SLC25A26: variants seen among roughly 807,000 people sequenced by gnomAD.
SLC25A26 encodes solute carrier family 25 member 26.
SLC25A26 carries 36 observed loss-of-function variants against 37.8 expected under a neutral mutation model. The ratio of observed to expected loss-of-function variants is 0.95; its 90% confidence interval spans 0.73 to 1.26. The LOEUF is 1.26. SLC25A26 is among the 50% of genes most tolerant of loss of function. SLC25A26 has a pLI of 0.00. For synonymous variants in SLC25A26, 129 were observed against 122.5 expected, an observed-to-expected ratio of 1.05 and a Z score of -0.35; for missense variants, 390 against 331.1, an observed-to-expected ratio of 1.18 and a Z score of -1.38.
intron 3 of SLC25A26, among the ~76,000 whole-genome samples, chr3:66,251,157 GCAGGGGCTGAGAGCTATAGGGCC>G (rs1479531394): frequency 5.3e-5 from 8 of 152,178 alleles, no homozygotes; most frequent in African/African-American, 1.9e-4. Context: ...CTGAGGCGAA[GCAGGGGCTGAGAGCTATAGGGCC>G]TTGCCTGCTA....
At chr3:66,209,672 A>T (rs1182916352) in intron 1 of SLC25A26, among the ~76,000 whole-genome samples, 1 of 138,640 alleles carries the variant, frequency 7.2e-6, no homozygotes, top group East Asian at 2.1e-4. Context: ...AAATATATAT[A>T]TTTTATAGGT....
intron 5 of SLC25A26, among the ~76,000 whole-genome samples, chr3:66,307,034 G>A (rs558940594): frequency 6.7e-4 from 102 of 152,296 alleles, no homozygotes; most frequent in Middle Eastern, 3.4e-3. Context: ...TAATGGGATT[G>A]GTGGGTCAAA....
chr3:66,178,183 A>G (rs777095272), intron 1 of SLC25A26, among the ~76,000 whole-genome samples: 16 of 152,192 alleles, frequency 1.1e-4, no homozygotes, highest in Admixed American at 7.9e-4. Context: ...TCCAGCTTCA[A>G]TGGTCCTAGC....
At chr3:66,236,774 C>G (rs968250783) in intron 2 of SLC25A26, 74 bp downstream of exon 2, 10 of 1,119,446 alleles carry the variant, frequency 8.9e-6, no homozygotes, top group African/African-American at 4.7e-5. Context: ...GGTCTTACCC[C>G]CATAGAATTC....
chr3:66,240,046 T>C (rs1037484452), intron 2 of SLC25A26, among the ~76,000 whole-genome samples: 1 of 152,156 alleles, frequency 6.6e-6, no homozygotes, highest in African/African-American at 2.4e-5. Context: ...ATTCAAAGTT[T>C]GTGGTATGGC....
intron 1 of SLC25A26, among the ~76,000 whole-genome samples, chr3:66,155,345 A>G (rs1192114398): frequency 2.0e-5 from 3 of 152,108 alleles, no homozygotes; most frequent in African/African-American, 7.2e-5. Context: ...CCCTGTCTCT[A>G]CATAAAAAAA....
chr3:66,200,808 C>A (rs2071098938), intron 1 of SLC25A26, among the ~76,000 whole-genome samples: 1 of 152,028 alleles, frequency 6.6e-6, no homozygotes, highest in East Asian at 1.9e-4. Flanking sequence ...TGGTATAAAC[C>A]TTTGAGAGTT....
chr3:66,371,848 G>A (rs1700360474), intron 9 of SLC25A26, among the ~76,000 whole-genome samples: 1 of 152,182 alleles, frequency 6.6e-6, no homozygotes, highest in African/African-American at 2.4e-5. Flanking sequence ...TGTAATCCCA[G>A]CACTTTGGGA....
intron 6 of SLC25A26, among the ~76,000 whole-genome samples, chr3:66,357,047 A>C (rs1230027579): frequency 6.6e-6 from 1 of 152,228 alleles, no homozygotes; most frequent in Non-Finnish European, 1.5e-5. Context: ...TACTTAAGAA[A>C]AATTACCGAA....
chr3:66,283,064 C>T (rs748525364), intron 5 of SLC25A26, among the ~76,000 whole-genome samples: 7 of 151,954 alleles, frequency 4.6e-5, no homozygotes, highest in Admixed American at 1.3e-4. Context: ...ATTGTTAGGA[C>T]GTATAGTGGA....
chr3:66,198,046 G>A (rs1049016167), intron 1 of SLC25A26, among the ~76,000 whole-genome samples: 27 of 152,024 alleles, frequency 1.8e-4, no homozygotes, highest in Non-Finnish European at 2.8e-4. Flanking sequence ...CAGGGTCAGC[G>A]TCAGGCTGAC....
chr3:66,357,024 A>G (rs999772182), intron 6 of SLC25A26, among the ~76,000 whole-genome samples: 2 of 152,238 alleles, frequency 1.3e-5, no homozygotes, highest in African/African-American at 4.8e-5. Context: ...ATCAACCTGT[A>G]TTAAGGAAGC....
In SLC25A26 at chr3:66,334,218, G is replaced by A. The variant is rs764330126; in HGVS notation, c.454-12146G>A. ...CTGTTGCAGTGTGATTTGATTTGTT[G>A]TGTCTCCCTGTCCCATAGTCAGACT... On this transcript the variant is annotated intron_variant, in intron 5 of 9. Coordinates refer to ENST00000354883, the MANE Select transcript of SLC25A26 (RefSeq NM_001379210.1). Among the ~76,000 whole-genome samples the A allele has an allele frequency of 5.6e-4, 85 of 152,274 alleles. 1 individual carries two copies. The highest frequency in any genetic ancestry group is 1.2e-3 in the South Asian group (6 of 4,828).
At chr3:66,191,867 A>T (rs2070948512) in intron 1 of SLC25A26, among the ~76,000 whole-genome samples, 1 of 151,904 alleles carries the variant, frequency 6.6e-6, no homozygotes, top group South Asian at 2.1e-4. Flanking sequence ...AGATTGTGCT[A>T]CTGCACTCCA....
At chr3:66,171,979 T>A (rs2070506070) in intron 1 of SLC25A26, among the ~76,000 whole-genome samples, 2 of 152,148 alleles carry the variant, frequency 1.3e-5, no homozygotes, top group African/African-American at 4.8e-5. Flanking sequence ...TATTCCCAGC[T>A]CCCTCAACCT....
At chr3:66,270,329 A>G (rs556180694) in intron 5 of SLC25A26, among the ~76,000 whole-genome samples, 34 of 152,310 alleles carry the variant, frequency 2.2e-4, no homozygotes, top group African/African-American at 7.7e-4. Flanking sequence ...AATCTTTCCA[A>G]ACTTCTAATG....
intron 5 of SLC25A26, among the ~76,000 whole-genome samples, chr3:66,287,918 C>T (rs1015359669): frequency 6.6e-6 from 1 of 152,206 alleles, no homozygotes; most frequent in African/African-American, 2.4e-5. Flanking sequence ...TTTCTTTGTA[C>T]ACTATCACTC....
chr3:66,203,834 T>A (rs2071139242), intron 1 of SLC25A26, among the ~76,000 whole-genome samples: 1 of 152,192 alleles, frequency 6.6e-6, no homozygotes, highest in African/African-American at 2.4e-5. Flanking sequence ...GTCCTAGTAC[T>A]CTATAGGATT....
At chr3:66,357,901 A>C (rs2076613501) in intron 6 of SLC25A26, among the ~76,000 whole-genome samples, 1 of 152,206 alleles carries the variant, frequency 6.6e-6, no homozygotes, top group Admixed American at 6.5e-5. Context: ...ATGTGACCTC[A>C]GGCAAATCTC....
Sources: allele counts gnomAD v4.1 joint callset (sites outside exome capture counted in the v4.1 genomes callset), GRCh38; gene constraint gnomAD v4.1.1; transcripts MANE v1.5; gene names NCBI Gene and HGNC (gene_info 2026-07-23, HGNC 2026-07-21).